UNC5C: variants seen among roughly 807,000 people sequenced by gnomAD.
UNC5C encodes the protein netrin receptor UNC5C.
In UNC5C, 47 loss-of-function variants were observed where a neutral mutation model predicts 99.8. The observed-to-expected ratio is 0.47, with a 90% CI of 0.37 to 0.60. UNC5C has a LOEUF of 0.60. UNC5C is among the 20% of genes least tolerant of loss of function. UNC5C has a pLI of 0.00. For synonymous variants in UNC5C, 487 were observed against 452.2 expected (o/e 1.08, Z -0.98); for missense variants, 1,062 against 1,165.9 (o/e 0.91, Z 1.30).
intron 1 of UNC5C, among the ~76,000 whole-genome samples, chr4:95,443,278 C>A (rs1416012720): frequency 6.6e-6 from 1 of 152,128 alleles, no homozygotes; most frequent in Non-Finnish European, 1.5e-5. Flanking sequence ...AGGCAAGGGA[C>A]ATCTTAGAGA....
At chr4:95,191,619 ACTC>A (rs1737098204) in intron 12 of UNC5C, among the ~76,000 whole-genome samples, 1 of 122,268 alleles carries the variant, frequency 8.2e-6, no homozygotes. Context: ...CCCTGCTCGC[ACTC>A]CTCTCCTGCT....
chr4:95,342,021 A>C (rs1579340947), intron 1 of UNC5C, among the ~76,000 whole-genome samples: 1 of 152,140 alleles, frequency 6.6e-6, no homozygotes, highest in African/African-American at 2.4e-5. Flanking sequence ...CGTTCTATTA[A>C]GCCTTGCCAC....
At chr4:95,448,004 C>T (rs1747156429) in intron 1 of UNC5C, among the ~76,000 whole-genome samples, 1 of 152,086 alleles carries the variant, frequency 6.6e-6, no homozygotes, top group Admixed American at 6.5e-5. Flanking sequence ...AGCAAACAAT[C>T]TCTTTCCTGC....
chr4:95,548,911 A>G lies in UNC5C; in HGVS notation c.-54T>C, dbSNP rs1723155538. Reference sequence around the variant, plus strand: ...GAGGGGGACAGAGAGACGCGCAAACAGCTGAAAGCCCCACTGGGCAGAAGC... The same window carrying G: ...GAGGGGGACAGAGAGACGCGCAAACGGCTGAAAGCCCCACTGGGCAGAAGC... On this transcript the variant is annotated 5_prime_UTR_variant, in exon 1 of 16. Transcript: ENST00000453304. 6.2e-7 allele frequency: 1 copy of G among 1,604,126 alleles called. No homozygotes were observed. Among genetic ancestry groups the G allele is most frequent in the East Asian group, 2.2e-5 (1 of 44,706 alleles).
intron 1 of UNC5C, among the ~76,000 whole-genome samples, chr4:95,510,175 A>C (rs896109633): frequency 6.6e-6 from 1 of 152,138 alleles, no homozygotes; most frequent in African/African-American, 2.4e-5. Flanking sequence ...TTCACCATAA[A>C]ATTTTAAAAT....
intron 1 of UNC5C, among the ~76,000 whole-genome samples, chr4:95,419,314 T>C (rs1270670315): frequency 6.6e-6 from 1 of 152,208 alleles, no homozygotes; most frequent in East Asian, 1.9e-4. Flanking sequence ...TTAAAATAGA[T>C]AAAAACCCTT....
intron 1 of UNC5C, among the ~76,000 whole-genome samples, chr4:95,522,052 A>G (rs911260801): frequency 1.3e-5 from 2 of 152,152 alleles, no homozygotes; most frequent in South Asian, 2.1e-4. Context: ...CTAGTTTAAT[A>G]TAATTGTATA....
At chr4:95,180,005 A>AC (rs11372697) in intron 14 of UNC5C, among the ~76,000 whole-genome samples, 71,282 of 150,636 alleles carry the variant, frequency 0.47, 18,202 homozygotes, top group Admixed American at 0.63. Flanking sequence ...TTGATGACAG[A>AC]CCCCCCCCAC....
intron 1 of UNC5C, among the ~76,000 whole-genome samples, chr4:95,485,410 CTTG>C (rs1721298189): frequency 6.6e-6 from 1 of 151,694 alleles, no homozygotes. Context: ...TCTGTAAGAA[CTTG>C]TTGTAGGCAC....
intron 3 of UNC5C, among the ~76,000 whole-genome samples, chr4:95,297,991 C>T (rs1292974804): frequency 6.6e-6 from 1 of 152,188 alleles, no homozygotes; most frequent in African/African-American, 2.4e-5. Flanking sequence ...GAAAAGATTC[C>T]AAAGTGTTCC....
intron 2 of UNC5C, among the ~76,000 whole-genome samples, chr4:95,319,547 G>A (rs2149412313): frequency 6.6e-6 from 1 of 152,240 alleles, no homozygotes; most frequent in African/African-American, 2.4e-5. Flanking sequence ...ATGTTACATG[G>A]GCTGGTTTTT....
At chr4:95,281,925 G>A (rs576096747) in intron 3 of UNC5C, among the ~76,000 whole-genome samples, 1 of 152,260 alleles carries the variant, frequency 6.6e-6, no homozygotes, top group African/African-American at 2.4e-5. Flanking sequence ...CTACCTGCTA[G>A]AGACCATTAG....
At chr4:95,171,553 A>T (rs1390267697) in intron 14 of UNC5C, among the ~76,000 whole-genome samples, 1 of 152,024 alleles carries the variant, frequency 6.6e-6, no homozygotes, top group Non-Finnish European at 1.5e-5. Flanking sequence ...CCATGTCCCT[A>T]CAAAGGACAT....
chr4:95,536,471 T>G (rs2149494473), intron 1 of UNC5C, among the ~76,000 whole-genome samples: 1 of 152,326 alleles, frequency 6.6e-6, no homozygotes, highest in East Asian at 1.9e-4. Flanking sequence ...CAGTGCAGGG[T>G]AATTTTTTTC....
chr4:95,306,545 GA>G (rs1223459308), intron 2 of UNC5C, among the ~76,000 whole-genome samples: 1 of 152,004 alleles, frequency 6.6e-6, no homozygotes, highest in Non-Finnish European at 1.5e-5. Context: ...AGGTGACACT[GA>G]AAAAAATCAC....
At chr4:95,245,758 A>T (rs1739481427) in intron 5 of UNC5C, among the ~76,000 whole-genome samples, 1 of 152,226 alleles carries the variant, frequency 6.6e-6, no homozygotes. Flanking sequence ...TATAAAGGCC[A>T]ATTATGATGT....
Position 95,165,405 on chromosome 4 carries a change from G to A in UNC5C, c.*3829C>T, listed in dbSNP as rs1007021005. The A allele has an allele frequency of 2.0e-5, 3 of 152,212 alleles. No homozygotes were observed. The highest frequency in any genetic ancestry group is 3.9e-4 in the East Asian group (2 of 5,192). The allele number at this position is 152,212 out of a possible 1,614,324, so 9.4% of individuals were successfully genotyped here. A position where few individuals can be genotyped will look rare whatever the true frequency, so the allele number is the denominator to read the frequency against. ...AGCCTAACTTGCTCACAGCAGGATG[G>A]GGGTTTTCTGCATAGCAGAGGTGAC... On this transcript the variant is annotated 3_prime_UTR_variant, in exon 16 of 16. Coordinates refer to ENST00000453304, the MANE Select transcript of UNC5C (RefSeq NM_003728.4).
At chr4:95,242,193 C>G (rs748558419) in intron 7 of UNC5C, among the ~76,000 whole-genome samples, 2 of 152,072 alleles carry the variant, frequency 1.3e-5, no homozygotes, top group Non-Finnish European at 2.9e-5. Context: ...TAGAATCAAC[C>G]CTTGCTCATG....
intron 1 of UNC5C, among the ~76,000 whole-genome samples, chr4:95,445,641 AGAG>A (rs1747079788): frequency 6.6e-6 from 1 of 152,216 alleles, no homozygotes. Context: ...GAAAGCATTT[AGAG>A]GAGAAAGTAC....
Sources: gnomAD v4.1 joint callset for allele counts (sites outside exome capture counted in the v4.1 genomes callset) on GRCh38, gnomAD v4.1.1 for gene constraint, MANE v1.5 for transcripts, NCBI Gene and HGNC (gene_info 2026-07-23, HGNC 2026-07-21) for gene names.